The following CORO2B variants were observed in gnomAD, a reference collection of about 807,000 sequenced individuals.
CORO2B encodes coronin 2B, also known as coronin-2B.
A neutral mutation model predicts 58.8 loss-of-function variants in CORO2B; 26 were observed. The observed-to-expected ratio is 0.44, with a 90% CI of 0.32 to 0.61. The LOEUF is 0.61. Ranked by LOEUF, CORO2B falls within the 20% of genes least tolerant of loss-of-function variation. CORO2B has a pLI of 0.04. For missense variants in CORO2B, 460 were observed against 645.1 expected, an observed-to-expected ratio of 0.71 and a Z score of 3.11; for synonymous variants, 242 against 253.8, an observed-to-expected ratio of 0.95 and a Z score of 0.44.
chr15:68,705,315 A>G (rs1415007735), intron 3 of CORO2B, among the ~76,000 whole-genome samples: 1 of 151,884 alleles, frequency 6.6e-6, no homozygotes, highest in African/African-American at 2.4e-5. Context: ...GTGGGCGCCT[A>G]TAATCCCAGT....
At chr15:68,522,072 G>A in the CORO2B span, among the ~76,000 whole-genome samples, 1 of 152,150 alleles carries the variant, frequency 6.6e-6, no homozygotes, top group Admixed American at 6.5e-5. Flanking sequence ...GTCTCCCAAA[G>A]TGCTGGGATT....
chr15:68,590,377 C>T (rs573577908), intron 1 of CORO2B, among the ~76,000 whole-genome samples: 14 of 152,264 alleles, frequency 9.2e-5, no homozygotes, highest in African/African-American at 3.4e-4. Flanking sequence ...CCCAGCCCTG[C>T]ACTTCTGTTC....
chr15:68,590,110 C>G (rs182861975), intron 1 of CORO2B, among the ~76,000 whole-genome samples: 1 of 152,130 alleles, frequency 6.6e-6, no homozygotes. Context: ...TCAGGCCAGA[C>G]CATATCACCA....
intron 3 of CORO2B, among the ~76,000 whole-genome samples, chr15:68,708,357 C>CTTTT (rs921103212): frequency 3.2e-3 from 369 of 114,936 alleles, no homozygotes; most frequent in Non-Finnish European, 4.8e-3. Context: ...TTTTTTTCTT[C>CTTTT]TTTTTTTTTT....
chr15:68,536,469 A>G, the CORO2B span, among the ~76,000 whole-genome samples: 4 of 152,254 alleles, frequency 2.6e-5, no homozygotes, highest in African/African-American at 9.6e-5. Flanking sequence ...GTGATTCAGA[A>G]TCCCTGGTCT....
At chr15:68,545,923 G>C in the CORO2B span, among the ~76,000 whole-genome samples, 1 of 152,306 alleles carries the variant, frequency 6.6e-6, no homozygotes, top group African/African-American at 2.4e-5. Context: ...ATGGCACTCA[G>C]AGACTTGGCA....
intron 1 of CORO2B, among the ~76,000 whole-genome samples, chr15:68,604,038 G>A (rs1446024270): frequency 6.6e-6 from 1 of 152,088 alleles, no homozygotes; most frequent in Non-Finnish European, 1.5e-5. Flanking sequence ...AGACTGCTGG[G>A]GTCCAAATTC....
upstream of CORO2B, among the ~76,000 whole-genome samples, chr15:68,575,654 G>T (rs1412537474): frequency 7.2e-6 from 1 of 138,426 alleles, no homozygotes; most frequent in Non-Finnish European, 1.5e-5. Context: ...CCTTTATACT[G>T]GTGTATTCAC....
At chr15:68,617,731 T>TG (rs2140249532) in intron 1 of CORO2B, among the ~76,000 whole-genome samples, 1 of 152,306 alleles carries the variant, frequency 6.6e-6, no homozygotes, top group South Asian at 2.1e-4. Flanking sequence ...GAGGGAGTCC[T>TG]GGGTAAGCAG....
At chr15:68,680,357 G>T (rs1007339144) in intron 2 of CORO2B, among the ~76,000 whole-genome samples, 3 of 152,218 alleles carry the variant, frequency 2.0e-5, no homozygotes, top group Admixed American at 6.5e-5. Context: ...TAAGATGAAA[G>T]TGTGGATAAT....
At chr15:68,683,290 A>G (rs533086259) in intron 2 of CORO2B, among the ~76,000 whole-genome samples, 7 of 152,262 alleles carry the variant, frequency 4.6e-5, no homozygotes, top group African/African-American at 1.7e-4. Flanking sequence ...GGGTCCAGCC[A>G]TGGGAAGATA....
intron 1 of CORO2B, chr15:68,641,427 C>A: frequency 3.1e-6 from 2 of 635,530 alleles, no homozygotes; most frequent in Non-Finnish European, 3.9e-6. Context: ...GACTGGGGAG[C>A]TGGGGATTTG....
chr15:68,647,142 G>C (rs79303441), intron 2 of CORO2B, among the ~76,000 whole-genome samples: 1,921 of 152,302 alleles, frequency 0.013, 37 homozygotes, highest in African/African-American at 0.044. Flanking sequence ...AGCTACATGT[G>C]TATTAGAGGA....
At chr15:68,520,017 AT>A in the CORO2B span, among the ~76,000 whole-genome samples, 1 of 152,128 alleles carries the variant, frequency 6.6e-6, no homozygotes, top group African/African-American at 2.4e-5. Flanking sequence ...TTCTGTTGTG[AT>A]TTTTTAAATC....
chr15:68,595,953 C>A (rs939432664), intron 1 of CORO2B, among the ~76,000 whole-genome samples: 15 of 152,026 alleles, frequency 9.9e-5, no homozygotes, highest in African/African-American at 3.6e-4. Flanking sequence ...TGAGCAGAGG[C>A]CAGGGCAGCG....
At position 68,714,571 on chromosome 15, in the gene CORO2B, A is replaced by G; in HGVS notation, c.778A>G (p.Met260Val). The change falls in exon 7 of 12, where the codon ATG (methionine) becomes GTG (valine). Residue 260 changes from methionine (M) to valine (V), a missense_variant. Coordinates refer to ENST00000261861, the MANE Select transcript of CORO2B (RefSeq NM_006091.5). Reference sequence around the variant, plus strand: ...TCTTCTCCCTCAGGAGGACCTCTCCATGCCCCTGATCGAAGAGGAAATTGA... The same window carrying G: ...TCTTCTCCCTCAGGAGGACCTCTCCGTGCCCCTGATCGAAGAGGAAATTGA... ...IALWDQEDLSMPLIEEEIDGL... is the reference protein window; with the variant it reads ...IALWDQEDLSVPLIEEEIDGL... 1 of 1,613,824 alleles carries G rather than the reference A, an allele frequency of 6.2e-7. No individual in the cohort carries two copies. Among genetic ancestry groups the G allele is most frequent in the Non-Finnish European group, 8.5e-7 (1 of 1,179,770 alleles).
At chr15:68,643,595 A>T (rs1901326181) in intron 1 of CORO2B, among the ~76,000 whole-genome samples, 1 of 152,184 alleles carries the variant, frequency 6.6e-6, no homozygotes, top group South Asian at 2.1e-4. Flanking sequence ...GAGAAGAGGC[A>T]GTGGAGAGGC....
chr15:68,528,570 T>C, the CORO2B span, among the ~76,000 whole-genome samples: 12 of 152,138 alleles, frequency 7.9e-5, no homozygotes, highest in Non-Finnish European at 1.8e-4. Context: ...TCACCATGAG[T>C]GATATTGATC....
chr15:68,537,455 C>CTACT, the CORO2B span, among the ~76,000 whole-genome samples: 1 of 152,184 alleles, frequency 6.6e-6, no homozygotes, highest in South Asian at 2.1e-4. Flanking sequence ...GACTAGCCCA[C>CTACT]TGCTTGTTTT....
Sources: gnomAD v4.1 joint callset for allele counts (sites outside exome capture counted in the v4.1 genomes callset) on GRCh38, gnomAD v4.1.1 for gene constraint, MANE v1.5 for transcripts, NCBI Gene and HGNC (gene_info 2026-07-23, HGNC 2026-07-21) for gene names.